The following SPTBN1 variants were observed in gnomAD, a reference collection of about 807,000 sequenced individuals.
SPTBN1 encodes the protein spectrin beta chain, non-erythrocytic 1.
A neutral mutation model predicts 266.4 loss-of-function variants in SPTBN1; 32 were observed. The observed-to-expected ratio is 0.12, with a 90% CI of 0.09 to 0.16. The LOEUF (loss-of-function observed/expected upper bound fraction) is 0.16, where lower values mean the gene tolerates loss of function less well. Ranked by LOEUF, SPTBN1 falls within the 10% of genes least tolerant of loss-of-function variation. The pLI is 1.00. For missense variants in SPTBN1, 2,296 were observed against 3,067.1 expected (o/e 0.75, Z 5.94); for synonymous variants, 1,336 against 1,162.2 (o/e 1.15, Z -3.04).
At chr2:54,463,259 G>T (rs1197396198) in intron 1 of SPTBN1, among the ~76,000 whole-genome samples, 1 of 152,210 alleles carries the variant, frequency 6.6e-6, no homozygotes, top group Admixed American at 6.5e-5. Context: ...CTAAGCTAAG[G>T]TGATAAAGAT....
At chr2:54,529,571 A>G (rs1414575556) in intron 2 of SPTBN1, 5 of 716,426 alleles carry the variant, frequency 7.0e-6, no homozygotes, top group South Asian at 2.7e-5. Flanking sequence ...CCACTATGCT[A>G]TCATCAAGTT....
chr2:54,632,480 G>A, intron 16 of SPTBN1, 86 bp from the exon 17 acceptor site: 1 of 1,333,106 alleles, frequency 7.5e-7, no homozygotes, highest in Non-Finnish European at 1.1e-6. Context: ...AGAAAGTGTT[G>A]TGAACTATGT....
rs1197797420 is a variant in SPTBN1, at chr2:54,558,296, A to G, written c.148+31730A>G. 3 of 985,876 alleles carry G rather than the reference A, an allele frequency of 3.0e-6. No individual in the cohort carries two copies. The Admixed American group carries it at 1.8e-4, about 61-fold the overall frequency. 61.1% of individuals were successfully genotyped at this position (985,876 alleles called of 1,614,324 possible). A position where few individuals can be genotyped will look rare whatever the true frequency, so the allele number is the denominator to read the frequency against. On this transcript the variant is annotated intron_variant, in intron 2 of 35. Coordinates refer to ENST00000356805, the MANE Select transcript of SPTBN1 (RefSeq NM_003128.3). This position sits in a 1 kb window ranked among gnomAD's most constrained non-coding sequence, Gnocchi z 4.6. ...TGGTATAGCCTGCATTTCTAATACAATGCTGTTATGCTAATCAGGTGACAT... is the reference window on the plus strand; with the variant it reads ...TGGTATAGCCTGCATTTCTAATACAGTGCTGTTATGCTAATCAGGTGACAT...
chr2:54,661,569 G>T (rs1015400155), intron 32 of SPTBN1: 6 of 985,592 alleles, frequency 6.1e-6, no homozygotes, highest in Admixed American at 6.2e-5. Context: ...ATGTTCTGGG[G>T]GTAGTATGCA....
At chr2:54,564,834 C>T (rs573318362) in intron 2 of SPTBN1, among the ~76,000 whole-genome samples, 2 of 152,324 alleles carry the variant, frequency 1.3e-5, no homozygotes, top group East Asian at 3.9e-4. Context: ...CCTTTTGTTA[C>T]AGTTCCAGTC....
At chr2:54,656,115 C>T (rs763976095) in intron 29 of SPTBN1, 117 bp downstream of exon 29, 5 of 803,010 alleles carry the variant, frequency 6.2e-6, no homozygotes, top group Admixed American at 5.4e-5. Flanking sequence ...TTGTAGATGC[C>T]TTTTTAGTGC....
chr2:54,589,391 A>G (rs908728425), intron 2 of SPTBN1, among the ~76,000 whole-genome samples: 2 of 152,164 alleles, frequency 1.3e-5, no homozygotes, highest in African/African-American at 4.8e-5. Context: ...CACATTGGCA[A>G]ACTGGGGTTG....
intron 2 of SPTBN1, among the ~76,000 whole-genome samples, chr2:54,539,188 C>T: frequency 6.6e-6 from 1 of 152,166 alleles, no homozygotes; most frequent in Non-Finnish European, 1.5e-5. Flanking sequence ...TTTCCACATT[C>T]CCTACAAGCA....
rs555203725 is a variant in SPTBN1, at chr2:54,664,569, C to T, written c.6537C>T (p.Ala2179=). The change falls in exon 33 of 36, where the codon GCC becomes GCT. Residue 2179 remains alanine (A), a synonymous_variant. Coordinates refer to ENST00000356805, the MANE Select transcript of SPTBN1 (RefSeq NM_003128.3). The surrounding 1 kb of genome is among the most constrained non-coding windows in gnomAD (Gnocchi z 5.6). ...SPTSDRKAKT[A]LPAQSAATLP... is the part of the protein sequence containing the mutation. Reference sequence around the variant, plus strand: ...CCTCTGATCGTAAAGCCAAGACTGCCCTCCCAGCCCAGAGTGCCGCCACCT... The same window carrying T: ...CCTCTGATCGTAAAGCCAAGACTGCTCTCCCAGCCCAGAGTGCCGCCACCT... 3.1e-6 allele frequency: 5 copies of T among 1,614,174 alleles called. No individual in the cohort carries two copies. The highest frequency in any genetic ancestry group is 3.4e-6 in the Non-Finnish European group (4 of 1,180,042).
At chr2:54,490,363 T>G (rs979458913) in intron 1 of SPTBN1, among the ~76,000 whole-genome samples, 3 of 152,198 alleles carry the variant, frequency 2.0e-5, no homozygotes, top group African/African-American at 7.2e-5. Flanking sequence ...AGAGCCACAG[T>G]GCCTGGCCTG....
chr2:54,473,309 A>G (rs886520362), intron 1 of SPTBN1, among the ~76,000 whole-genome samples: 6 of 152,240 alleles, frequency 3.9e-5, no homozygotes, highest in African/African-American at 1.2e-4. Flanking sequence ...TTTTTATAAC[A>G]TAGAAAAATA....
chr2:54,580,247 AC>A (rs1334359132), intron 2 of SPTBN1, among the ~76,000 whole-genome samples: 2 of 152,206 alleles, frequency 1.3e-5, no homozygotes, highest in African/African-American at 4.8e-5. Context: ...CTTTACTGTT[AC>A]ATAGGGAGTA....
rs1438585122 is a variant in SPTBN1, at chr2:54,629,914, A to G, written c.2692A>G (p.Met898Val). 2 of 1,614,078 alleles carry G rather than the reference A, an allele frequency of 1.2e-6. No individual in the cohort carries two copies. The highest frequency in any genetic ancestry group is 8.5e-7 in the Non-Finnish European group (1 of 1,180,032). The change falls in exon 15 of 36, where the codon ATG becomes GTG. Residue 898 changes from methionine (M) to valine (V), a missense_variant. By Grantham distance (21) the Met-to-Val change is conservative (BLOSUM62 1). Around this residue, in one of 12 missense-constraint regions of SPTBN1, gnomAD observed 434 missense variants for 573.9 expected, o/e 0.76. Coordinates refer to ENST00000356805, the MANE Select transcript of SPTBN1 (RefSeq NM_003128.3). ...CAGATTTGAGAGCCTAGAACCAGAA[A>G]TGAACAACCAGGCTTCCCGGGTTGC... ...QHRFESLEPEMNNQASRVAVV... is the reference protein window; with the variant it reads ...QHRFESLEPEVNNQASRVAVV...
At chr2:54,517,476 C>T (rs1670173809) in intron 1 of SPTBN1, among the ~76,000 whole-genome samples, 1 of 151,996 alleles carries the variant, frequency 6.6e-6, no homozygotes, top group Non-Finnish European at 1.5e-5. Flanking sequence ...TATACTCTGT[C>T]ATTGATAAAT....
rs367729336 is a variant in SPTBN1 at position 54,642,498 on chromosome 2, C to G, written c.3859-485C>G. On this transcript the variant is annotated intron_variant, in intron 18 of 35. Coordinates refer to ENST00000356805, the MANE Select transcript of SPTBN1 (RefSeq NM_003128.3). ...GCCTTTTTGCATTCCCTTCGATGCA[C>G]CCACAAAAAGGGGGAGGTAATAAAT... Among the ~76,000 whole-genome samples, 210 of 148,986 alleles carry G rather than the reference C, an allele frequency of 1.4e-3. 3 individuals are homozygous for G. In the East Asian group the frequency reaches 0.017, roughly 12 times the overall value.
intron 3 of SPTBN1, among the ~76,000 whole-genome samples, chr2:54,601,560 G>T (rs1676500507): frequency 6.6e-6 from 1 of 152,156 alleles, no homozygotes; most frequent in Admixed American, 6.5e-5. Flanking sequence ...CTGGGTAAAT[G>T]AATGTCCCAG....
intron 30 of SPTBN1, 106 bp downstream of exon 30, chr2:54,658,152 G>C (rs1290597470): frequency 2.1e-6 from 3 of 1,430,936 alleles, no homozygotes; most frequent in Non-Finnish European, 2.8e-6. Flanking sequence ...TTTGTTTTTT[G>C]GGTTTTTTTC....
At chr2:54,496,783 G>A (rs983175955) in intron 1 of SPTBN1, among the ~76,000 whole-genome samples, 1 of 152,158 alleles carries the variant, frequency 6.6e-6, no homozygotes, top group Admixed American at 6.5e-5. Flanking sequence ...AAGGAAACAG[G>A]CCCTCTGTAC....
intron 34 of SPTBN1, 137 bp downstream of exon 34, chr2:54,666,225 C>G: frequency 1.0e-6 from 1 of 959,102 alleles, no homozygotes; most frequent in East Asian, 2.7e-5. Context: ...AAGTGAAAAA[C>G]CAGTTTGGCA....
Sources: gnomAD v4.1 joint callset for allele counts (sites outside exome capture counted in the v4.1 genomes callset) on GRCh38, gnomAD v4.1.1 for gene constraint, gnomAD v4.1.1 regional missense constraint, Gnocchi (gnomAD v3.1) non-coding constraint, MANE v1.5 for transcripts, NCBI Gene and HGNC (gene_info 2026-07-23, HGNC 2026-07-21) for gene names.